The following DOK6 variants were observed in gnomAD, a reference collection of about 807,000 sequenced individuals.
The protein encoded by DOK6 is docking protein 6, also known as downstream of tyrosine kinase 6.
DOK6 carries 22 observed loss-of-function variants against 44.0 expected under a neutral mutation model. The ratio of observed to expected loss-of-function variants is 0.50; its 90% confidence interval spans 0.36 to 0.71. The LOEUF is 0.71. Among genes scored for constraint, DOK6 ranks in the 30% least tolerant of loss-of-function variants. DOK6 has a pLI of 0.00. For missense variants in DOK6, 340 were observed against 416.4 expected, an observed-to-expected ratio of 0.82 and a Z score of 1.60; for synonymous variants, 166 against 145.5, an observed-to-expected ratio of 1.14 and a Z score of -1.01.
intron 1 of DOK6, among the ~76,000 whole-genome samples, chr18:69,558,160 G>T (rs1379096107): frequency 6.6e-6 from 1 of 151,954 alleles, no homozygotes. Context: ...TTCAGTCCTG[G>T]AATTTCTCCA....
intron 1 of DOK6, among the ~76,000 whole-genome samples, chr18:69,514,839 A>ATATATT: frequency 8.2e-6 from 1 of 121,282 alleles, no homozygotes; most frequent in African/African-American, 2.6e-5. Flanking sequence ...CTCCATATAT[A>ATATATT]TTTTTTTTTT....
At chr18:69,716,742 G>A (rs1986892665) in intron 5 of DOK6, among the ~76,000 whole-genome samples, 1 of 149,686 alleles carries the variant, frequency 6.7e-6, no homozygotes, top group Non-Finnish European at 1.5e-5. Context: ...ACCAGGAACT[G>A]GCTTTTTAAA....
chr18:69,640,274 A>G (rs1027548605), intron 3 of DOK6, among the ~76,000 whole-genome samples: 2 of 152,186 alleles, frequency 1.3e-5, no homozygotes, highest in Admixed American at 1.3e-4. Flanking sequence ...CATTCTGAAA[A>G]TACATCTCAA....
intron 3 of DOK6, among the ~76,000 whole-genome samples, chr18:69,634,415 A>C (rs902103645): frequency 6.6e-6 from 1 of 152,192 alleles, no homozygotes. Context: ...AAAAAATAAG[A>C]GTTGTCAAGA....
At chr18:69,818,739 G>A (rs539870040) in intron 7 of DOK6, among the ~76,000 whole-genome samples, 9 of 152,274 alleles carry the variant, frequency 5.9e-5, no homozygotes, top group South Asian at 2.1e-4. Context: ...ATACAGTCCC[G>A]TGACACTGCT....
At chr18:69,771,829 C>G (rs1195792308) in intron 7 of DOK6, among the ~76,000 whole-genome samples, 1 of 150,570 alleles carries the variant, frequency 6.6e-6, no homozygotes, top group Non-Finnish European at 1.5e-5. Context: ...AAGTAAATAC[C>G]AAAAAAATTA....
chr18:69,675,695 A>T (rs1985906090), intron 3 of DOK6, among the ~76,000 whole-genome samples: 1 of 152,186 alleles, frequency 6.6e-6, no homozygotes, highest in African/African-American at 2.4e-5. Context: ...GAAAAACAAT[A>T]ATCATAGTGT....
intron 7 of DOK6, among the ~76,000 whole-genome samples, chr18:69,837,273 C>T (rs1281920954): frequency 6.6e-6 from 1 of 152,128 alleles, no homozygotes; most frequent in East Asian, 1.9e-4. Context: ...CTTCTTCTTG[C>T]ATTATCCTGT....
chr18:69,602,904 T>G (rs577441901), intron 3 of DOK6, among the ~76,000 whole-genome samples: 9 of 152,360 alleles, frequency 5.9e-5, no homozygotes, highest in African/African-American at 2.2e-4. Context: ...CATCCTATTA[T>G]AGAATGCTTT....
chr18:69,809,624 G>A (rs986362166), intron 7 of DOK6, among the ~76,000 whole-genome samples: 13 of 147,698 alleles, frequency 8.8e-5, no homozygotes, highest in African/African-American at 3.3e-4. Flanking sequence ...AGACAAAACT[G>A]TTAAAAATAA....
intron 1 of DOK6, among the ~76,000 whole-genome samples, chr18:69,493,816 T>A (rs1980806036): frequency 1.3e-5 from 2 of 152,238 alleles, no homozygotes; most frequent in African/African-American, 4.8e-5. Context: ...TTTTATTTTA[T>A]TCCAGCTTTA....
chr18:69,465,101 T>C (rs1375384623), intron 1 of DOK6, among the ~76,000 whole-genome samples: 1 of 152,176 alleles, frequency 6.6e-6, no homozygotes, highest in Non-Finnish European at 1.5e-5. Flanking sequence ...GGGGAAAATA[T>C]TGTACATACA....
chr18:69,653,907 GA>G (rs570711395), intron 3 of DOK6, among the ~76,000 whole-genome samples: 4 of 146,666 alleles, frequency 2.7e-5, no homozygotes, highest in East Asian at 2.0e-4. Context: ...CATTCCAGGA[GA>G]AAAAAAATGG....
intron 1 of DOK6, among the ~76,000 whole-genome samples, chr18:69,443,566 T>C (rs986956166): frequency 6.6e-6 from 1 of 152,168 alleles, no homozygotes; most frequent in Middle Eastern, 3.2e-3. Flanking sequence ...CTTTGTTCTG[T>C]TTGTTTCCAA....
chr18:69,848,010 A>G lies in DOK6; in HGVS notation c.*6627A>G, dbSNP rs1982385161. The G allele has an allele frequency of 1.6e-5, 2 of 122,002 alleles. No homozygotes were observed. The highest frequency in any genetic ancestry group is 6.0e-4 in the South Asian group (2 of 3,326). The allele number at this position is 122,002 out of a possible 1,614,324, so 7.6% of individuals were successfully genotyped here. On this transcript the variant is annotated 3_prime_UTR_variant, in exon 8 of 8. Transcript: ENST00000382713. ...CAGAGGCCCCCTCCACCCCAACCTT[A>G]GTGCATGCTCACACACACACACACA...
intron 1 of DOK6, among the ~76,000 whole-genome samples, chr18:69,524,675 G>C (rs1981780937): frequency 6.6e-6 from 1 of 151,894 alleles, no homozygotes; most frequent in Non-Finnish European, 1.5e-5. Flanking sequence ...ATTTGAAATA[G>C]AAATGTAATG....
intron 3 of DOK6, among the ~76,000 whole-genome samples, chr18:69,633,798 G>T (rs1984743527): frequency 6.6e-6 from 1 of 152,074 alleles, no homozygotes. Flanking sequence ...AGTATATGTT[G>T]AAGAAATGAT....
intron 1 of DOK6, among the ~76,000 whole-genome samples, chr18:69,454,981 G>A (rs1979584144): frequency 6.9e-6 from 1 of 145,216 alleles, no homozygotes; most frequent in South Asian, 2.2e-4. Flanking sequence ...AGTGGGTGCA[G>A]CGCACCAGCA....
intron 1 of DOK6, among the ~76,000 whole-genome samples, chr18:69,430,105 G>A (rs1004710776): frequency 2.0e-5 from 3 of 152,044 alleles, no homozygotes; most frequent in Non-Finnish European, 2.9e-5. Context: ...TCTGTAGAGG[G>A]ACAATTATAA....
Sources: allele counts gnomAD v4.1 joint callset (sites outside exome capture counted in the v4.1 genomes callset), GRCh38; gene constraint gnomAD v4.1.1; transcripts MANE v1.5; gene names NCBI Gene and HGNC (gene_info 2026-07-23, HGNC 2026-07-21).